Variants in PDXDC1 observed in about 807,000 individuals in gnomAD.
PDXDC1 encodes pyridoxal dependent decarboxylase domain containing 1.
Under a neutral mutation model 100.1 loss-of-function variants are expected in PDXDC1, and 42 were observed. That is an observed-to-expected ratio of 0.42 (90% CI 0.33 to 0.54). The LOEUF (loss-of-function observed/expected upper bound fraction) is 0.54. Among genes scored for constraint, PDXDC1 ranks in the 20% least tolerant of loss-of-function variants. The pLI is 0.10. For missense variants in PDXDC1, 636 were observed against 979.2 expected (o/e 0.65, Z 4.68); for synonymous variants, 260 against 371.7 (o/e 0.70, Z 3.46).
intron 16 of PDXDC1, chr16:15,091,390 G>T (rs62039518): frequency 1.9e-6 from 3 of 1,552,756 alleles, no homozygotes; most frequent in Non-Finnish European, 2.6e-6. Context: ...GAAGGGGAAA[G>T]AATTAAGTTA....
At chr16:15,124,402 T>C (rs2047589985) in intron 16 of PDXDC1, among the ~76,000 whole-genome samples, 1 of 152,136 alleles carries the variant, frequency 6.6e-6, no homozygotes, top group Non-Finnish European at 1.5e-5. Flanking sequence ...AAACAGGAAA[T>C]ATTCTATTGA....
At chr16:15,148,678 G>A in the PDXDC1 span, among the ~76,000 whole-genome samples, 2 of 151,646 alleles carry the variant, frequency 1.3e-5, no homozygotes, top group African/African-American at 2.4e-5. Context: ...GTGACCCCTT[G>A]TCCATGTTTA....
rs1436456353 is a variant in PDXDC1, at chr16:15,017,543, A to AT, written c.963+128dup. On this transcript the variant is annotated intron_variant, in intron 11 of 22. Coordinates refer to ENST00000396410, the MANE Select transcript of PDXDC1 (RefSeq NM_015027.4). ...ATACCCATAATTTCACTTCTATTTC[A>AT]TTTTTTTAAAGAGAAACTTGTGAGA... 2.3e-5 allele frequency: 17 copies of AT among 738,236 alleles called. No individual in the cohort carries two copies. In the East Asian group the frequency reaches 3.8e-4, roughly 16 times the overall value. 45.7% of individuals were successfully genotyped at this position (738,236 alleles called of 1,614,324 possible). A position where few individuals can be genotyped will look rare whatever the true frequency, so the allele number is the denominator to read the frequency against.
chr16:15,035,545 G>T lies in PDXDC1; in HGVS notation c.2099G>T (p.Arg700Met), dbSNP rs761265879. 4 of 1,606,008 alleles carry T rather than the reference G, an allele frequency of 2.5e-6. No individual in the cohort carries two copies. Among genetic ancestry groups the T allele is most frequent in the Admixed American group, 3.4e-5 (2 of 59,672 alleles). ...CCCTCGGGCAGTCGCACCAAGCAGA[G>T]GCTTCCAGGTAAGTGACGCCTCTGC... Reference protein sequence around the residue: ...PTPSGSRTKQRLPGQKPFKRS... With the variant: ...PTPSGSRTKQMLPGQKPFKRS... Residue 700 changes from arginine to methionine, a missense_variant, in exon 22 of 23, where the codon AGG becomes ATG. Physicochemically the swap from Arg to Met is moderately conservative, Grantham distance 91. This residue lies in a region of PDXDC1 where 452 missense variants were observed against 402.9 expected (regional missense o/e 1.12). Coordinates refer to ENST00000396410, the MANE Select transcript of PDXDC1 (RefSeq NM_015027.4).
At chr16:15,041,719 T>C (rs1567757040), downstream of PDXDC1, 4 of 1,441,350 alleles carry the variant, frequency 2.8e-6, no homozygotes, top group East Asian at 2.3e-5. Context: ...AAAGTTCCTC[T>C]AGTTACCAGA....
chr16:14,983,628 T>G (rs1968537298), intron 1 of PDXDC1, among the ~76,000 whole-genome samples: 1 of 151,954 alleles, frequency 6.6e-6, no homozygotes, highest in Non-Finnish European at 1.5e-5. Context: ...TAGCTCTGTA[T>G]GTCTTAAACA....
chr16:14,975,060 G>T lies in PDXDC1; in HGVS notation c.-140G>T. On this transcript the variant is annotated 5_prime_UTR_variant, in exon 1 of 23. Transcript: ENST00000396410. ...ATCAGGTTCGGCAGCCCGCGGCGCC[G>T]CCTGGCAGCTCCTCCTCTTCTCCGC... 1.3e-6 allele frequency: 2 copies of T among 1,512,226 alleles called. No homozygotes were observed. The highest frequency in any genetic ancestry group is 1.8e-6 in the Non-Finnish European group (2 of 1,138,344). 93.7% of individuals were successfully genotyped at this position (1,512,226 alleles called of 1,614,324 possible).
At chr16:15,088,002 T>C (rs1347533898) in intron 16 of PDXDC1, among the ~76,000 whole-genome samples, 1 of 151,970 alleles carries the variant, frequency 6.6e-6, no homozygotes, top group African/African-American at 2.4e-5. Flanking sequence ...TAATCCCAGC[T>C]ACTCGGGAGG....
chr16:15,080,637 C>T lies in PDXDC1; in HGVS notation c.1399+50581C>T, dbSNP rs142554336. Among the ~76,000 whole-genome samples, 817 of 152,200 alleles carry T rather than the reference C, an allele frequency of 5.4e-3. 7 individuals carry two copies. The highest frequency in any genetic ancestry group is 0.018 in the African/African-American group (764 of 41,536). ...AGAGAGACATTTTCTCACTATGTTG[C>T]CCAGGCTGGTCTTCAACTCCTGGAT... On this transcript the variant is annotated intron_variant, in intron 16 of 16. Transcript: ENST00000535621.
intron 16 of PDXDC1, among the ~76,000 whole-genome samples, chr16:15,099,008 A>G (rs1021800865): frequency 2.6e-5 from 4 of 152,210 alleles, no homozygotes; most frequent in Non-Finnish European, 5.9e-5. Flanking sequence ...GGCTGTGCCA[A>G]TGTACACTTC....
chr16:15,055,778 C>A, intron 16 of PDXDC1: 1 of 538,086 alleles, frequency 1.9e-6, no homozygotes, highest in Non-Finnish European at 2.8e-6. Flanking sequence ...GCCGGGGCTC[C>A]GGATGTGCCA....
chr16:14,978,961 C>T (rs1400161768), intron 1 of PDXDC1, among the ~76,000 whole-genome samples: 1 of 152,392 alleles, frequency 6.6e-6, no homozygotes, highest in Non-Finnish European at 1.5e-5. Context: ...AGATGCTAGT[C>T]GCACTCCCTA....
intron 16 of PDXDC1, chr16:15,094,337 A>C: frequency 9.2e-7 from 1 of 1,090,892 alleles, no homozygotes; most frequent in Admixed American, 2.4e-5. Flanking sequence ...ACCTTCAGCC[A>C]ATCAGCGGCC....
In PDXDC1 at chr16:15,037,915, TGAGGAGGG is replaced by T; in HGVS notation, c.*1641_*1648del. The T allele has an allele frequency of 3.1e-6, 2 of 644,076 alleles. No individual in the cohort carries two copies. The allele number at this position is 644,076 out of a possible 1,614,324, so 39.9% of individuals were successfully genotyped here. Reference sequence around the variant, plus strand: ...TTGATGAAAGTCATTTGAAAGACACTGAGGAGGGAAGGAGGCCTAAGACCCAACAGATG... The same window carrying T: ...TTGATGAAAGTCATTTGAAAGACACTAAGGAGGCCTAAGACCCAACAGATG... On this transcript the variant is annotated 3_prime_UTR_variant, in exon 23 of 23. Transcript: ENST00000396410.
intron 16 of PDXDC1, among the ~76,000 whole-genome samples, chr16:15,077,706 TGGCA>T: frequency 6.6e-6 from 1 of 152,158 alleles, no homozygotes; most frequent in East Asian, 1.9e-4. Context: ...CCGGGCATGG[TGGCA>T]TGTGCCTGTA....
At chr16:15,041,030 AC>A, downstream of PDXDC1, 1 of 1,438,964 alleles carries the variant, frequency 6.9e-7, no homozygotes, top group Non-Finnish European at 9.8e-7. Context: ...TGCACATGTG[AC>A]CAAGACTCCA....
rs71374773 is a variant in PDXDC1, at chr16:15,133,276, G to A, written c.1400-5603G>A. On this transcript the variant is annotated intron_variant, in intron 16 of 16. Coordinates refer to the PDXDC1 transcript ENST00000535621. ...AGGCTGCACTCACCTCGTTCAGGAC[G>A]GTGACCAGGGCCAGCGAGTACTCGA... 288 of 1,581,088 alleles carry A rather than the reference G, an allele frequency of 1.8e-4. 1 individual carries two copies. Among genetic ancestry groups the A allele is most frequent in the Admixed American group, 6.4e-4 (38 of 59,536 alleles).
At chr16:15,021,039 G>A (rs2042164184) in intron 12 of PDXDC1, among the ~76,000 whole-genome samples, 1 of 152,160 alleles carries the variant, frequency 6.6e-6, no homozygotes, top group Non-Finnish European at 1.5e-5. Flanking sequence ...TGCTCTAGCA[G>A]TAGTCCCTTC....
the PDXDC1 span, among the ~76,000 whole-genome samples, chr16:15,146,732 G>A: frequency 1.8e-4 from 27 of 152,226 alleles, no homozygotes; most frequent in African/African-American, 5.8e-4. Flanking sequence ...ACTCTGCTCT[G>A]TGGCAGGGCA....
Sources: allele counts gnomAD v4.1 joint callset (sites outside exome capture counted in the v4.1 genomes callset), GRCh38; gene constraint gnomAD v4.1.1; regional missense constraint gnomAD v4.1.1; transcripts MANE v1.5; gene names NCBI Gene and HGNC (gene_info 2026-07-23, HGNC 2026-07-21).